The following RANBP2 variants were observed in gnomAD, a reference collection of about 807,000 sequenced individuals.
RANBP2 encodes RAN binding protein 2, also known as E3 SUMO-protein ligase RanBP2.
A neutral mutation model predicts 303.6 loss-of-function variants in RANBP2; 57 were observed. That is an observed-to-expected ratio of 0.19 (90% CI 0.15 to 0.23). RANBP2 has a LOEUF of 0.23. Ranked by LOEUF, RANBP2 falls within the 10% of genes least tolerant of loss-of-function variation. RANBP2 has a pLI of 1.00. For missense variants in RANBP2, 3,138 were observed against 3,780.8 expected, an observed-to-expected ratio of 0.83 and a Z score of 4.46; for synonymous variants, 1,167 against 1,301.5, an observed-to-expected ratio of 0.90 and a Z score of 2.23.
the RANBP2 span, among the ~76,000 whole-genome samples, chr2:108,926,824 A>C: frequency 6.6e-6 from 1 of 152,226 alleles, no homozygotes; most frequent in African/African-American, 2.4e-5. Flanking sequence ...GGCAATCCGC[A>C]TCCACAGCCT....
At chr2:109,140,077 C>G in the RANBP2 span, among the ~76,000 whole-genome samples, 1 of 152,334 alleles carries the variant, frequency 6.6e-6, no homozygotes, top group Non-Finnish European at 1.5e-5. Flanking sequence ...GACAGGTCTG[C>G]GGAAGGCTTT....
chr2:108,757,658 G>A (rs553228477), intron 17 of RANBP2, among the ~76,000 whole-genome samples: 13 of 152,196 alleles, frequency 8.5e-5, no homozygotes, highest in Non-Finnish European at 1.6e-4. Flanking sequence ...CGGAATGTCA[G>A]GTAGTCCAGA....
chr2:109,174,236 A>G, the RANBP2 span, among the ~76,000 whole-genome samples: 1 of 152,260 alleles, frequency 6.6e-6, no homozygotes, highest in South Asian at 2.1e-4. Context: ...GGTGGACATC[A>G]CAGTTTTATC....
At chr2:109,166,811 C>T in the RANBP2 span, among the ~76,000 whole-genome samples, 16 of 152,214 alleles carry the variant, frequency 1.1e-4, no homozygotes, top group African/African-American at 3.4e-4. Context: ...AAGTACAAAA[C>T]TATACTTAAG....
At chr2:108,814,596 A>G in the RANBP2 span, among the ~76,000 whole-genome samples, 8 of 151,022 alleles carry the variant, frequency 5.3e-5, no homozygotes, top group Admixed American at 1.3e-4. Context: ...AATGTTGCCT[A>G]TTTATTAATT....
chr2:108,721,011 T>A (rs896065465), intron 1 of RANBP2, among the ~76,000 whole-genome samples: 2 of 151,998 alleles, frequency 1.3e-5, no homozygotes, highest in Non-Finnish European at 2.9e-5. Context: ...ATCGCGCTAC[T>A]GCACTCCAGC....
rs537055983 is a variant in RANBP2, at chr2:108,735,412, G to A, written c.406-120G>A. 58 of 1,576,254 alleles carry A rather than the reference G, an allele frequency of 3.7e-5. No homozygotes were observed. In the African/African-American group the frequency reaches 7.5e-4, roughly 20 times the overall value. On this transcript the variant is annotated intron_variant, in intron 4 of 28. Transcript: ENST00000283195. ...AGGGATGAATAAGGTATATAGGATG[G>A]TGTTTTTGGTGGCATCATCATAAAA... is the stretch of plus-strand genomic sequence containing the variant.
chr2:108,994,170 C>T, the RANBP2 span, among the ~76,000 whole-genome samples: 1 of 152,190 alleles, frequency 6.6e-6, no homozygotes, highest in African/African-American at 2.4e-5. Flanking sequence ...ATTAAAAATG[C>T]AAGCTGGATT....
chr2:109,014,324 A>C, the RANBP2 span, among the ~76,000 whole-genome samples: 2 of 152,188 alleles, frequency 1.3e-5, no homozygotes, highest in African/African-American at 2.4e-5. Flanking sequence ...ACCCAATTTG[A>C]AAACCCTGAT....
chr2:109,716,632 C>T, the RANBP2 span, among the ~76,000 whole-genome samples: 1 of 152,084 alleles, frequency 6.6e-6, no homozygotes, highest in Non-Finnish European at 1.5e-5. Flanking sequence ...CTGCAGCCTC[C>T]ACCTCCCAGG....
chr2:109,249,467 C>CTCTTTCTTTCTTTCTTTCTTTCTT, the RANBP2 span, among the ~76,000 whole-genome samples: 68 of 99,340 alleles, frequency 6.8e-4, 6 homozygotes, highest in Non-Finnish European at 8.1e-4. Context: ...TTCTCTCTTT[C>CTCTTTCTTTCTTTCTTTCTTTCTT]TCTTTCTTTC....
the RANBP2 span, among the ~76,000 whole-genome samples, chr2:109,306,196 G>A: frequency 1.3e-5 from 2 of 152,234 alleles, no homozygotes; most frequent in Admixed American, 6.5e-5. Flanking sequence ...AGAGCAGACC[G>A]TCTTTCAGAA....
At chr2:109,534,438 G>C in the RANBP2 span, among the ~76,000 whole-genome samples, 1 of 152,214 alleles carries the variant, frequency 6.6e-6, no homozygotes, top group Non-Finnish European at 1.5e-5. Context: ...TAAGAGCTGG[G>C]AGGACAACAG....
chr2:109,355,237 A>G, the RANBP2 span, among the ~76,000 whole-genome samples: 4 of 152,354 alleles, frequency 2.6e-5, no homozygotes, highest in South Asian at 8.3e-4. Context: ...TTGTATCTGA[A>G]AGAGAAATTA....
chr2:109,363,520 A>T, the RANBP2 span, among the ~76,000 whole-genome samples: 1 of 152,208 alleles, frequency 6.6e-6, no homozygotes. Flanking sequence ...TAGCAAAAAT[A>T]AAAGTTTTAA....
the RANBP2 span, chr2:109,760,197 G>A: frequency 2.2e-4 from 27 of 124,132 alleles, no homozygotes; most frequent in African/African-American, 7.9e-4. Context: ...ACCTGGTTTT[G>A]TTAAAAAAAA....
the RANBP2 span, among the ~76,000 whole-genome samples, chr2:109,386,099 C>G: frequency 6.6e-6 from 1 of 152,188 alleles, no homozygotes; most frequent in Admixed American, 6.5e-5. Flanking sequence ...TAGATTGGAT[C>G]TGGAAGCTAA....
the RANBP2 span, among the ~76,000 whole-genome samples, chr2:109,555,031 A>G: frequency 3.9e-5 from 6 of 152,040 alleles, no homozygotes; most frequent in African/African-American, 1.4e-4. Flanking sequence ...GCCGAACCTG[A>G]TCTTTGTGAT....
the RANBP2 span, among the ~76,000 whole-genome samples, chr2:109,631,714 C>A: frequency 6.6e-6 from 1 of 151,838 alleles, no homozygotes; most frequent in African/African-American, 2.4e-5. Flanking sequence ...TGAGATTGCG[C>A]CATTGCACTC....
Sources: allele counts gnomAD v4.1 joint callset (sites outside exome capture counted in the v4.1 genomes callset), GRCh38; gene constraint gnomAD v4.1.1; transcripts MANE v1.5; gene names NCBI Gene and HGNC (gene_info 2026-07-23, HGNC 2026-07-21).